The following TMEM131 variants were observed in gnomAD, a reference collection of about 807,000 sequenced individuals.
TMEM131 encodes transmembrane protein 131.
In TMEM131, 66 loss-of-function variants were observed where a neutral mutation model predicts 211.6. The ratio of observed to expected loss-of-function variants is 0.31; its 90% CI spans 0.26 to 0.38. The LOEUF is 0.38. Among genes scored for constraint, TMEM131 ranks in the 10% least tolerant of loss-of-function variants. TMEM131 has a pLI of 1.00. For missense variants in TMEM131, 2,036 were observed against 2,299.3 expected (o/e 0.89, Z 2.34); for synonymous variants, 844 against 841.3 (o/e 1.00, Z -0.06).
chr2:97,958,547 T>A lies in TMEM131; in HGVS notation c.188-31060A>T, dbSNP rs576417170. ...CAAAAGGTAGATTCTGGGCCTACAT[T>A]CAGACATACTGAATCGCATTCTCTG... On this transcript the variant is annotated intron_variant, in intron 1 of 40. Coordinates refer to ENST00000186436, the MANE Select transcript of TMEM131 (RefSeq NM_015348.2). 6.6e-4 allele frequency among the ~76,000 whole-genome samples: 101 copies of A among 152,324 alleles called. 2 individuals are homozygous for A. The South Asian group carries it at 0.016, about 25-fold the overall frequency.
At chr2:97,776,616 G>A (rs992838877) in intron 31 of TMEM131, among the ~76,000 whole-genome samples, 2 of 152,174 alleles carry the variant, frequency 1.3e-5, no homozygotes, top group African/African-American at 4.8e-5. Flanking sequence ...AAATCTGTAT[G>A]TCTGTCTCAG....
At chr2:97,930,128 GAACT>G (rs575450189) in intron 1 of TMEM131, among the ~76,000 whole-genome samples, 4 of 150,654 alleles carry the variant, frequency 2.7e-5, no homozygotes, top group Non-Finnish European at 5.9e-5. Flanking sequence ...AGAACACAAT[GAACT>G]AACAAGAAAT....
rs538385471 is a variant in TMEM131 at position 97,876,036 on chromosome 2, T to C, written c.359+12016A>G. ...ATGATATAGGGGATATCACCACTTA[T>C]CCAACAGAAATACAAGCTACCATCA... On this transcript the variant is annotated intron_variant, in intron 4 of 40. Coordinates refer to ENST00000186436, the MANE Select transcript of TMEM131 (RefSeq NM_015348.2). 5.9e-5 allele frequency among the ~76,000 whole-genome samples: 9 copies of C among 152,254 alleles called. No individual in the cohort carries two copies. In the South Asian group the frequency reaches 1.9e-3, roughly 32 times the overall value.
chr2:97,975,943 G>A (rs1279160489), intron 1 of TMEM131, among the ~76,000 whole-genome samples: 1 of 151,806 alleles, frequency 6.6e-6, no homozygotes, highest in Non-Finnish European at 1.5e-5. Context: ...AAAAATGCAA[G>A]GTTAGTCATT....
At chr2:97,906,127 T>C (rs1354134093) in intron 3 of TMEM131, among the ~76,000 whole-genome samples, 1 of 152,180 alleles carries the variant, frequency 6.6e-6, no homozygotes, top group Non-Finnish European at 1.5e-5. Context: ...TGGTTATCAG[T>C]CTTTCATCAG....
At chr2:97,850,614 C>G (rs1221042782) in intron 5 of TMEM131, among the ~76,000 whole-genome samples, 2 of 151,990 alleles carry the variant, frequency 1.3e-5, no homozygotes, top group African/African-American at 4.8e-5. Context: ...TGTAACGAAC[C>G]TGCACATCCT....
chr2:97,990,121 T>C (rs918382991), intron 1 of TMEM131, among the ~76,000 whole-genome samples: 1 of 152,194 alleles, frequency 6.6e-6, no homozygotes, highest in Admixed American at 6.5e-5. Flanking sequence ...GCAATATTGC[T>C]TAACCTTAGC....
At chr2:97,989,828 T>TA (rs372458405) in intron 1 of TMEM131, among the ~76,000 whole-genome samples, 18 of 152,114 alleles carry the variant, frequency 1.2e-4, no homozygotes, top group African/African-American at 4.3e-4. Flanking sequence ...ACATGGGAAT[T>TA]AAAAAACAAC....
At chr2:97,919,908 G>C (rs1676671305) in intron 2 of TMEM131, among the ~76,000 whole-genome samples, 1 of 152,194 alleles carries the variant, frequency 6.6e-6, no homozygotes, top group Non-Finnish European at 1.5e-5. Flanking sequence ...GAACAGCTCA[G>C]ATCTCCCTAC....
chr2:97,986,503 C>T (rs1407796474), intron 1 of TMEM131, among the ~76,000 whole-genome samples: 1 of 152,020 alleles, frequency 6.6e-6, no homozygotes, highest in Non-Finnish European at 1.5e-5. Flanking sequence ...TCTAGGATTC[C>T]AATAAAACTG....
chr2:97,793,638 T>G (rs865888699), intron 29 of TMEM131, 85 bp from the exon 30 acceptor site: 1 of 1,334,640 alleles, frequency 7.5e-7, no homozygotes. Flanking sequence ...CAGAGTTTCT[T>G]GGTAAAGTAC....
chr2:97,922,926 A>G (rs914682913), intron 2 of TMEM131, among the ~76,000 whole-genome samples: 4 of 152,238 alleles, frequency 2.6e-5, no homozygotes, highest in Admixed American at 2.6e-4. Flanking sequence ...AAATGAATCA[A>G]AATCGTATAC....
chr2:97,814,149 A>T lies in TMEM131; in HGVS notation c.1447-8T>A. 1.9e-6 allele frequency: 3 copies of T among 1,612,276 alleles called. No individual in the cohort carries two copies. The highest frequency in any genetic ancestry group is 2.5e-6 in the Non-Finnish European group (3 of 1,179,074). On this transcript the variant is annotated splice_polypyrimidine_tract_variant and splice_region_variant and intron_variant, in intron 14 of 40. Transcript: ENST00000186436. ...TTTGCTGAAGTTGTGAACCTGAGAA[A>T]TGACAGAAGAGAAAAAAAACAAAGT...
chr2:97,814,286 C>G lies in TMEM131; in HGVS notation c.1395G>C (p.Ala465=), dbSNP rs576733922. The G allele has an allele frequency of 6.2e-7, 1 of 1,613,698 alleles. No individual in the cohort carries two copies. The highest frequency in any genetic ancestry group is 8.5e-7 in the Non-Finnish European group (1 of 1,179,824). The change falls in exon 14 of 41, where the codon GCG becomes GCC. Residue 465 remains alanine (A), a synonymous_variant. Transcript: ENST00000186436. The part of the protein sequence containing the change: ...PIYLTNTFSF[A]ILIHDVLLPE... ...GTAGCAACACATCGTGAATGAGGAT[C>G]GCAAAACTGAAAGTGTTAGTAAGGT... is the stretch of plus-strand genomic sequence containing the variant.
At chr2:97,843,066 T>TAAAA (rs750074318) in intron 6 of TMEM131, among the ~76,000 whole-genome samples, 13 of 134,544 alleles carry the variant, frequency 9.7e-5, no homozygotes, top group African/African-American at 3.4e-4. Context: ...AGGAAATGTT[T>TAAAA]AAAAAAAAAA....
intron 39 of TMEM131, chr2:97,759,301 C>T (rs1678684175): frequency 1.8e-6 from 1 of 567,288 alleles, no homozygotes; most frequent in African/African-American, 1.9e-5. Flanking sequence ...CACATGATAG[C>T]TAATGGGAAG....
At chr2:97,978,367 C>G (rs1322049511) in intron 1 of TMEM131, among the ~76,000 whole-genome samples, 2 of 152,292 alleles carry the variant, frequency 1.3e-5, no homozygotes, top group Non-Finnish European at 2.9e-5. Context: ...TAAGAAGCAA[C>G]TCTTCATTTG....
intron 11 of TMEM131, among the ~76,000 whole-genome samples, chr2:97,826,037 G>A (rs1020053666): frequency 3.3e-5 from 5 of 152,176 alleles, no homozygotes; most frequent in African/African-American, 9.7e-5. Context: ...GGAACCAATC[G>A]AGCATGACTG....
intron 2 of TMEM131, chr2:97,911,725 G>A: frequency 5.9e-6 from 5 of 853,926 alleles, no homozygotes; most frequent in Non-Finnish European, 7.0e-6. Context: ...TGAAGTATAT[G>A]CCACAAAACA....
Sources: gnomAD v4.1 joint callset for allele counts (sites outside exome capture counted in the v4.1 genomes callset) on GRCh38, gnomAD v4.1.1 for gene constraint, MANE v1.5 for transcripts, NCBI Gene and HGNC (gene_info 2026-07-23, HGNC 2026-07-21) for gene names.